The following CLRN1 variants were observed in gnomAD, a reference collection of about 807,000 sequenced individuals.
CLRN1 encodes clarin 1, also known as clarin-1.
In CLRN1, 15 loss-of-function variants were observed where a neutral mutation model predicts 18.7. The ratio of observed to expected loss-of-function variants is 0.80; its 90% CI spans 0.54 to 1.23. CLRN1 has a LOEUF of 1.23. Among genes scored for constraint, CLRN1 ranks in the 50% most tolerant of loss-of-function variants. CLRN1 has a pLI of 0.00. For synonymous variants in CLRN1, 104 were observed against 102.9 expected, an observed-to-expected ratio of 1.01 and a Z score of -0.07; for missense variants, 311 against 277.5, an observed-to-expected ratio of 1.12 and a Z score of -0.86.
chr3:150,951,761 G>A (rs535809824), intron 1 of CLRN1, among the ~76,000 whole-genome samples: 79 of 152,258 alleles, frequency 5.2e-4, no homozygotes, highest in East Asian at 1.2e-3. Context: ...AAGGCAAAGC[G>A]GGAGCCAACA....
rs757942688 is a variant in CLRN1, at chr3:150,945,684, T to C, written c.254-3923A>G. 1.3e-5 allele frequency: 16 copies of C among 1,255,632 alleles called. 1 individual carries two copies. In the South Asian group the frequency reaches 2.1e-4, roughly 16 times the overall value. 77.8% of individuals were successfully genotyped at this position (1,255,632 alleles called of 1,614,324 possible). A position where few individuals can be genotyped will look rare whatever the true frequency, so the allele number is the denominator to read the frequency against. Reference sequence around the variant, plus strand: ...GTTGTACTACATTTCCTTTATCTTCTCACAATCAGAAAAATGCACATTAAA... The same window carrying C: ...GTTGTACTACATTTCCTTTATCTTCCCACAATCAGAAAAATGCACATTAAA... On this transcript the variant is annotated intron_variant, in intron 1 of 2. Coordinates refer to ENST00000327047, the MANE Select transcript of CLRN1 (RefSeq NM_174878.3).
At chr3:150,935,650 G>A (rs1486690125) in intron 2 of CLRN1, among the ~76,000 whole-genome samples, 7 of 150,922 alleles carry the variant, frequency 4.6e-5, no homozygotes, top group African/African-American at 1.7e-4. Flanking sequence ...AGTCCTTTGG[G>A]TATATACCCA....
Position 150,964,899 on chromosome 3 carries a change from G to A in CLRN1, c.253+7557C>T, listed in dbSNP as rs541698760. On this transcript the variant is annotated intron_variant, in intron 1 of 2. Coordinates refer to ENST00000327047, the MANE Select transcript of CLRN1 (RefSeq NM_174878.3). ...GGAATATCACACACCGGGGCTTGTC[G>A]GTGGGTGGGGGACTAGGGGAGGGAT... Among the ~76,000 whole-genome samples the A allele has an allele frequency of 7.2e-5, 11 of 152,198 alleles. No individual in the cohort carries two copies. In the South Asian group the frequency reaches 2.1e-3, roughly 29 times the overall value.
In CLRN1 at chr3:150,927,826, G is replaced by T; in HGVS notation, c.*110C>A. 1 of 1,276,118 alleles carries T rather than the reference G, an allele frequency of 7.8e-7. No individual in the cohort carries two copies. 79.0% of individuals were successfully genotyped at this position (1,276,118 alleles called of 1,614,324 possible). On this transcript the variant is annotated 3_prime_UTR_variant, in exon 3 of 3. Transcript: ENST00000327047. ...GTAATTTGTAAACATTGTCACGAAG[G>T]GTCCTGATGCTTTAATATATGCAGA...
chr3:150,926,899 A>AG lies in CLRN1; in HGVS notation c.*1036dup, dbSNP rs760132593. 2.9e-5 allele frequency: 47 copies of AG among 1,613,988 alleles called. No homozygotes were observed. In the East Asian group the frequency reaches 9.4e-4, roughly 32 times the overall value. On this transcript the variant is annotated 3_prime_UTR_variant, in exon 3 of 3. Transcript: ENST00000327047. ...TGCAGATCAATTTGATGGGTAATTC[A>AG]GGGGAAAAAAAAAGTTGACCTGGGT...
At chr3:150,953,588 G>C (rs913023445) in intron 1 of CLRN1, among the ~76,000 whole-genome samples, 1 of 152,092 alleles carries the variant, frequency 6.6e-6, no homozygotes, top group African/African-American at 2.4e-5. Flanking sequence ...AGTGGGTGGA[G>C]CCCACTGCAG....
intron 1 of CLRN1, among the ~76,000 whole-genome samples, chr3:150,949,949 G>A (rs1174085049): frequency 6.6e-6 from 1 of 152,096 alleles, no homozygotes; most frequent in Admixed American, 6.6e-5. Flanking sequence ...GAATGGTACT[G>A]GTACAAAAAC....
chr3:150,926,534 C>T (rs1182033847), downstream of CLRN1: 2 of 507,434 alleles, frequency 3.9e-6, no homozygotes, highest in Non-Finnish European at 7.2e-6. Flanking sequence ...TAGAAATTGT[C>T]CAGGTGTATT....
At chr3:150,929,930 A>G (rs1338501696) in intron 2 of CLRN1, among the ~76,000 whole-genome samples, 1 of 152,214 alleles carries the variant, frequency 6.6e-6, no homozygotes, top group African/African-American at 2.4e-5. Context: ...CTCTTCAGTT[A>G]AAGTTAATCC....
chr3:150,946,858 T>C (rs1714204588), intron 1 of CLRN1, among the ~76,000 whole-genome samples: 1 of 151,272 alleles, frequency 6.6e-6, no homozygotes, highest in Non-Finnish European at 1.5e-5. Context: ...TAACTTGTCA[T>C]CTAGCATTAG....
In CLRN1 at chr3:150,941,778, A is replaced by C. The variant is rs750961816; in HGVS notation, c.254-17T>G. The C allele has an allele frequency of 5.0e-6, 8 of 1,612,126 alleles. No homozygotes were observed. In the East Asian group the frequency reaches 1.8e-4, roughly 36 times the overall value. On this transcript the variant is annotated splice_polypyrimidine_tract_variant and intron_variant, in intron 1 of 2. Transcript: ENST00000327047. ...CTGGAAAAACTGAAGATAAGACAAA[A>C]CTAGGGTTAGAAGAAGTTTCATTAG...
chr3:150,969,790 G>C (rs1164031415), intron 1 of CLRN1, among the ~76,000 whole-genome samples: 1 of 151,942 alleles, frequency 6.6e-6, no homozygotes, highest in African/African-American at 2.4e-5. Flanking sequence ...GGCCCACATG[G>C]TGAAACCCTG....
chr3:150,972,322 A>G (rs1391406227), intron 1 of CLRN1, 134 bp downstream of exon 1: 3 of 1,096,890 alleles, frequency 2.7e-6, no homozygotes, highest in Non-Finnish European at 4.0e-6. Context: ...TCAGAGTCAT[A>G]GGTTTTTCAT....
chr3:150,947,607 C>G (rs957458302), intron 1 of CLRN1, among the ~76,000 whole-genome samples: 1 of 152,188 alleles, frequency 6.6e-6, no homozygotes, highest in Non-Finnish European at 1.5e-5. Flanking sequence ...ATACATTCTT[C>G]TCATCACCAC....
intron 1 of CLRN1, among the ~76,000 whole-genome samples, chr3:150,951,440 C>T (rs572299374): frequency 1.6e-4 from 25 of 152,074 alleles, no homozygotes; most frequent in African/African-American, 4.1e-4. Flanking sequence ...CAGGTTCAAG[C>T]GATTCTCCTG....
rs1329440649 is a variant in CLRN1, at chr3:150,972,455, C to G, written c.253+1G>C. 1 of 1,614,050 alleles carries G rather than the reference C, an allele frequency of 6.2e-7. No homozygotes were observed. Among genetic ancestry groups the G allele is most frequent in the Non-Finnish European group, 8.5e-7 (1 of 1,180,048 alleles). On this transcript the variant is annotated splice_donor_variant, in intron 1 of 2. Transcript: ENST00000327047. LOFTEE classifies it high-confidence loss of function. ...ATAACTCAAATGCAATTGCTACTTA[C>G]ATGAGAACCGAAAGGGCCTTGCTCC...
rs972502856 is a variant in CLRN1, at chr3:150,930,708, T to G, written c.434-2507A>C. On this transcript the variant is annotated intron_variant, in intron 2 of 2. Transcript: ENST00000327047. ...ATTCCTTTTACCATAAGAGCCTTCT[T>G]TGTCTGAGGAGATGGTGAATTTCAG... Among the ~76,000 whole-genome samples, 5 of 152,302 alleles carry G rather than the reference T, an allele frequency of 3.3e-5. No individual in the cohort carries two copies. In the East Asian group the frequency reaches 5.8e-4, roughly 18 times the overall value.
Position 150,972,727 on chromosome 3 carries a change from T to G in CLRN1, c.-19A>C. The G allele has an allele frequency of 6.2e-7, 1 of 1,614,150 alleles. No individual in the cohort carries two copies. Among genetic ancestry groups the G allele is most frequent in the South Asian group, 1.1e-5 (1 of 91,084 alleles). On this transcript the variant is annotated 5_prime_UTR_variant, in exon 1 of 3. Coordinates refer to ENST00000327047, the MANE Select transcript of CLRN1 (RefSeq NM_174878.3). ...TTGGCATGATGAGAAACGGCTTCTG[T>G]GAGGGCGAGGTTCAAAAACAAGACC... is the stretch of plus-strand genomic sequence containing the variant.
At chr3:150,967,561 AG>A (rs1715322666) in intron 1 of CLRN1, among the ~76,000 whole-genome samples, 1 of 152,184 alleles carries the variant, frequency 6.6e-6, no homozygotes, top group African/African-American at 2.4e-5. Context: ...TAGTCTTTGC[AG>A]ATGAACTTCA....
Sources: allele counts gnomAD v4.1 joint callset (sites outside exome capture counted in the v4.1 genomes callset), GRCh38; gene constraint gnomAD v4.1.1; transcripts MANE v1.5; gene names NCBI Gene and HGNC (gene_info 2026-07-23, HGNC 2026-07-21).